The following PNPLA1 variants were observed in gnomAD, a reference collection of about 807,000 sequenced individuals.
PNPLA1 encodes omega-hydroxyceramide transacylase.
PNPLA1 carries 36 observed loss-of-function variants against 51.7 expected under a neutral mutation model. The observed-to-expected ratio is 0.70, with a 90% CI of 0.53 to 0.92. The LOEUF (loss-of-function observed/expected upper bound fraction) is 0.92. Among genes scored for constraint, PNPLA1 ranks in the 40% least tolerant of loss-of-function variants. The probability of loss-of-function intolerance (pLI) is 0.00; values close to 1 mark genes in which losing one functional copy is unlikely to be tolerated. For missense variants in PNPLA1, 658 were observed against 682.5 expected (o/e 0.96, Z 0.40); for synonymous variants, 293 against 280.1 (o/e 1.05, Z -0.46).
chr6:36,265,358 T>A (rs1199749635), upstream of PNPLA1, among the ~76,000 whole-genome samples: 1 of 152,056 alleles, frequency 6.6e-6, no homozygotes, highest in African/African-American at 2.4e-5. Flanking sequence ...AAAAAAGTTA[T>A]CAGACCCCCA....
In PNPLA1 at chr6:36,293,862, G is replaced by A. The variant is rs113099432; in HGVS notation, c.505-328G>A. Among the ~76,000 whole-genome samples the A allele has an allele frequency of 1.3e-3, 204 of 152,284 alleles. 1 individual carries two copies. Among genetic ancestry groups the A allele is most frequent in the African/African-American group, 4.5e-3 (188 of 41,564 alleles). On this transcript the variant is annotated intron_variant, in intron 3 of 8. Coordinates refer to ENST00000636260, the MANE Select transcript of PNPLA1 (RefSeq NM_001374623.1). ...TGGTGGGGCTGTAGCAGAGGAGCAC[G>A]TCTCCTGCTTTACCCAGAGTATGGG...
intron 1 of PNPLA1, among the ~76,000 whole-genome samples, chr6:36,252,554 A>T (rs1015860413): frequency 6.6e-6 from 1 of 152,016 alleles, no homozygotes; most frequent in Admixed American, 6.6e-5. Flanking sequence ...AAAAAAAAAA[A>T]AAAAACCCAG....
At chr6:36,247,714 T>C (rs1473131308) in intron 1 of PNPLA1, among the ~76,000 whole-genome samples, 1 of 152,176 alleles carries the variant, frequency 6.6e-6, no homozygotes, top group Non-Finnish European at 1.5e-5. Flanking sequence ...CAGGGGCTCC[T>C]CCAGTTTGCC....
chr6:36,270,466 G>C lies in PNPLA1; in HGVS notation c.7G>C (p.Glu3Gln), dbSNP rs928502132. The C allele has an allele frequency of 6.4e-7, 1 of 1,551,178 alleles. No homozygotes were observed. Among genetic ancestry groups the C allele is most frequent in the African/African-American group, 1.4e-5 (1 of 73,068 alleles). The change falls in exon 1 of 9, where the codon GAA becomes CAA. Residue 3 changes from glutamate to glutamine, a missense_variant. By Grantham distance (29) the Glu-to-Gln change is conservative. Transcript: ENST00000636260. ...AAAGTCAGAGGCCGAGGAGATGGAAGAACAGGTGTTCAAGGGGGACCCGGA... is the reference window on the plus strand; with the variant it reads ...AAAGTCAGAGGCCGAGGAGATGGAACAACAGGTGTTCAAGGGGGACCCGGA... The part of the protein sequence containing the change: ME[E>Q]QVFKGDPDTP...
At chr6:36,273,547 C>T (rs554014521) in intron 1 of PNPLA1, among the ~76,000 whole-genome samples, 20 of 151,694 alleles carry the variant, frequency 1.3e-4, no homozygotes, top group African/African-American at 4.1e-4. Flanking sequence ...TTTCCGGGCG[C>T]CTGCGTTGCT....
intron 1 of PNPLA1, among the ~76,000 whole-genome samples, chr6:36,273,728 C>CAAAAAAAA (rs57186870): frequency 0.11 from 5,196 of 48,282 alleles, 483 homozygotes; most frequent in Non-Finnish European, 0.13. Context: ...GACCCCATCG[C>CAAAAAAAA]AAAAAAAAAA....
chr6:36,274,854 C>A (rs1157029975), intron 1 of PNPLA1, among the ~76,000 whole-genome samples: 1 of 152,206 alleles, frequency 6.6e-6, no homozygotes, highest in African/African-American at 2.4e-5. Flanking sequence ...ACTGTGCCTG[C>A]TCACCACCTT....
chr6:36,248,087 A>T (rs1217678030), intron 1 of PNPLA1, among the ~76,000 whole-genome samples: 1 of 152,160 alleles, frequency 6.6e-6, no homozygotes, highest in Non-Finnish European at 1.5e-5. Flanking sequence ...CTGTTGTCAC[A>T]TGCAGTCACT....
intron 1 of PNPLA1, among the ~76,000 whole-genome samples, chr6:36,288,748 A>G (rs7758328): frequency 0.41 from 62,594 of 151,618 alleles, 13,158 homozygotes; most frequent in Middle Eastern, 0.48. Context: ...GTGAGCCACC[A>G]TGCCCGGCTG....
intron 3 of PNPLA1, 107 bp downstream of exon 3, chr6:36,293,233 G>C: frequency 1.8e-6 from 2 of 1,117,356 alleles, no homozygotes; most frequent in South Asian, 2.7e-5. Flanking sequence ...GCAGCGGGAG[G>C]ACCTAGAGTT....
intron 1 of PNPLA1, among the ~76,000 whole-genome samples, chr6:36,243,729 T>C (rs1769195386): frequency 6.6e-6 from 1 of 151,962 alleles, no homozygotes; most frequent in East Asian, 1.9e-4. Context: ...GACACTCACC[T>C]CCCCCAACTC....
At chr6:36,290,969 G>A (rs960893395) in intron 1 of PNPLA1, among the ~76,000 whole-genome samples, 2 of 152,194 alleles carry the variant, frequency 1.3e-5, no homozygotes, top group Non-Finnish European at 2.9e-5. Context: ...TCCAGGCAGA[G>A]TGACAAGAAG....
At chr6:36,273,048 CA>C (rs1281352410) in intron 1 of PNPLA1, among the ~76,000 whole-genome samples, 2 of 151,578 alleles carry the variant, frequency 1.3e-5, no homozygotes, top group African/African-American at 4.9e-5. Flanking sequence ...GGTTCAAGAC[CA>C]GCCTGGCCAA....
intron 1 of PNPLA1, among the ~76,000 whole-genome samples, chr6:36,251,058 G>A (rs939159789): frequency 1.3e-5 from 2 of 152,196 alleles, no homozygotes; most frequent in Non-Finnish European, 2.9e-5. Flanking sequence ...CTCCAGCAAG[G>A]AGAGAAGGCA....
intron 5 of PNPLA1, among the ~76,000 whole-genome samples, chr6:36,297,366 T>C (rs1025477256): frequency 2.0e-5 from 3 of 152,184 alleles, no homozygotes; most frequent in Non-Finnish European, 4.4e-5. Context: ...CAGGAACTAC[T>C]GACACATACT....
At position 36,270,347 on chromosome 6, in the gene PNPLA1, G is replaced by A. The variant is rs1408543334; in HGVS notation, c.-113G>A. 30 of 1,093,880 alleles carry A rather than the reference G, an allele frequency of 2.7e-5. No homozygotes were observed. The highest frequency in any genetic ancestry group is 4.7e-5 in the African/African-American group (3 of 64,262). 67.8% of individuals were successfully genotyped at this position (1,093,880 alleles called of 1,614,324 possible). A position where few individuals can be genotyped will look rare whatever the true frequency, so the allele number is the denominator to read the frequency against. ...TAGAGACAGCCACATTCCAAGCTCCGGGGTGGCAGGGAAGCTGGGTAGGGA... is the reference window on the plus strand; with the variant it reads ...TAGAGACAGCCACATTCCAAGCTCCAGGGTGGCAGGGAAGCTGGGTAGGGA... On this transcript the variant is annotated 5_prime_UTR_variant, in exon 1 of 9. Coordinates refer to ENST00000636260, the MANE Select transcript of PNPLA1 (RefSeq NM_001374623.1).
At chr6:36,276,051 T>TTAAAAA (rs1770087204) in intron 1 of PNPLA1, among the ~76,000 whole-genome samples, 1 of 150,774 alleles carries the variant, frequency 6.6e-6, no homozygotes, top group African/African-American at 2.5e-5. Context: ...CTCCGCCTCC[T>TTAAAAA]GGGTTCAAGA....
intron 1 of PNPLA1, among the ~76,000 whole-genome samples, chr6:36,288,630 T>TA (rs1012082450): frequency 2.4e-4 from 37 of 151,708 alleles, no homozygotes; most frequent in African/African-American, 8.9e-4. Flanking sequence ...TTTTTTTTTT[T>TA]TGTATTTTTA....
At chr6:36,257,174 C>G (rs1472577071) in intron 1 of PNPLA1, among the ~76,000 whole-genome samples, 1 of 152,192 alleles carries the variant, frequency 6.6e-6, no homozygotes, top group Non-Finnish European at 1.5e-5. Flanking sequence ...GAAAACCCTT[C>G]CCTGCATTTG....
Sources: allele counts gnomAD v4.1 joint callset (sites outside exome capture counted in the v4.1 genomes callset), GRCh38; gene constraint gnomAD v4.1.1; transcripts MANE v1.5; gene names NCBI Gene and HGNC (gene_info 2026-07-23, HGNC 2026-07-21).